ALX4: variants seen among roughly 807,000 people sequenced by gnomAD.
ALX4 encodes the protein homeobox protein aristaless-like 4.
ALX4 carries 22 observed loss-of-function variants against 40.6 expected under a neutral mutation model. The ratio of observed to expected loss-of-function variants is 0.54; its 90% CI spans 0.39 to 0.77. The LOEUF (loss-of-function observed/expected upper bound fraction) is 0.77. Among genes scored for constraint, ALX4 ranks in the 30% least tolerant of loss-of-function variants. The pLI is 0.00. For missense variants in ALX4, 556 were observed against 564.8 expected (o/e 0.98, Z 0.16); for synonymous variants, 266 against 240.5 (o/e 1.11, Z -0.98).
intron 1 of ALX4, among the ~76,000 whole-genome samples, chr11:44,284,505 T>C (rs1455491150): frequency 2.0e-5 from 3 of 152,234 alleles, no homozygotes; most frequent in Non-Finnish European, 4.4e-5. Context: ...AAATGCAGAT[T>C]TGACTGAGTA....
intron 2 of ALX4, among the ~76,000 whole-genome samples, chr11:44,275,028 G>C (rs892177547): frequency 1.3e-5 from 2 of 152,196 alleles, no homozygotes; most frequent in South Asian, 2.1e-4. Context: ...CTGTGTGAAA[G>C]AGCCAGGACT....
intron 1 of ALX4, among the ~76,000 whole-genome samples, chr11:44,304,270 C>G (rs1956453073): frequency 6.6e-6 from 1 of 152,260 alleles, no homozygotes; most frequent in Non-Finnish European, 1.5e-5. Context: ...GCCTGGCAGG[C>G]GACGTCCGGG....
In ALX4 at chr11:44,303,185, C is replaced by A. The variant is rs75794715; in HGVS notation, c.466+6412G>T. On this transcript the variant is annotated intron_variant, in intron 1 of 3. Coordinates refer to ENST00000652299, the MANE Select transcript of ALX4 (RefSeq NM_021926.4). ...GTTGTTCTGCTCTGACCTGGGTCAC[C>A]AGGTCCTGTCCCTCTACGAGGTGCG... is the stretch of plus-strand genomic sequence containing the variant. Among the ~76,000 whole-genome samples, 691 of 152,302 alleles carry A rather than the reference C, an allele frequency of 4.5e-3. 7 individuals carry two copies. The highest frequency in any genetic ancestry group is 0.015 in the African/African-American group (642 of 41,568).
rs1396294431 is a variant in ALX4, at chr11:44,264,810, T to C, written c.*44A>G. The stretch of plus-strand genomic sequence containing the variant: ...GCTGGGGGCCTGGAAAACATGGGCG[T>C]GGCCCATGGTGTCCCGAGGTGGGGA... On this transcript the variant is annotated 3_prime_UTR_variant, in exon 4 of 4. Transcript: ENST00000652299. 7.5e-6 allele frequency: 12 copies of C among 1,597,254 alleles called. No individual in the cohort carries two copies. Among genetic ancestry groups the C allele is most frequent in the Admixed American group, 1.7e-5 (1 of 59,738 alleles).
chr11:44,268,366 G>C (rs1000254441), intron 2 of ALX4, among the ~76,000 whole-genome samples: 1 of 152,180 alleles, frequency 6.6e-6, no homozygotes, highest in Non-Finnish European at 1.5e-5. Flanking sequence ...CAGATCGCAG[G>C]GGGCCTTGAC....
intron 1 of ALX4, among the ~76,000 whole-genome samples, chr11:44,302,295 C>T (rs1956439312): frequency 1.3e-5 from 2 of 152,184 alleles, no homozygotes; most frequent in South Asian, 4.1e-4. Flanking sequence ...CGCCCTGAAA[C>T]ACTCAGATAG....
chr11:44,273,623 A>T (rs992462023), intron 2 of ALX4, among the ~76,000 whole-genome samples: 1 of 152,230 alleles, frequency 6.6e-6, no homozygotes, highest in Non-Finnish European at 1.5e-5. Context: ...ACAAACAAGT[A>T]AAATAACGTA....
At chr11:44,279,393 G>C (rs988623393) in intron 1 of ALX4, among the ~76,000 whole-genome samples, 1 of 152,198 alleles carries the variant, frequency 6.6e-6, no homozygotes, top group African/African-American at 2.4e-5. Context: ...GACAGAGGGT[G>C]GCAGGGATGA....
chr11:44,303,374 G>A (rs915347382), intron 1 of ALX4, among the ~76,000 whole-genome samples: 1 of 152,136 alleles, frequency 6.6e-6, no homozygotes, highest in Admixed American at 6.5e-5. Context: ...AGTACAAGCG[G>A]CGCCTTCACC....
At chr11:44,305,428 C>G (rs1278161730) in intron 1 of ALX4, among the ~76,000 whole-genome samples, 1 of 152,208 alleles carries the variant, frequency 6.6e-6, no homozygotes, top group African/African-American at 2.4e-5. Flanking sequence ...AATTAAACAA[C>G]AGTCGCCCCT....
At chr11:44,307,441 G>A (rs1956475939) in intron 1 of ALX4, among the ~76,000 whole-genome samples, 2 of 152,220 alleles carry the variant, frequency 1.3e-5, no homozygotes. Context: ...ACAGAGAGAG[G>A]GCTCAGGGGA....
chr11:44,290,055 C>T (rs1432685261), intron 1 of ALX4, among the ~76,000 whole-genome samples: 1 of 152,224 alleles, frequency 6.6e-6, no homozygotes, highest in Non-Finnish European at 1.5e-5. Flanking sequence ...AGGGCCAGGA[C>T]TTGAACCCTG....
chr11:44,301,921 G>A (rs572208891), intron 1 of ALX4, among the ~76,000 whole-genome samples: 5 of 152,346 alleles, frequency 3.3e-5, no homozygotes, highest in South Asian at 4.1e-4. Flanking sequence ...AGACGGCCTC[G>A]CCGCAGTGTG....
In ALX4 at chr11:44,271,591, T is replaced by C. The variant is rs80269138; in HGVS notation, c.777+3757A>G. ...ACCATGAACCTTAGCCTAAATTTTT[T>C]TTTACCACATTACCTCTGCATTTCA... On this transcript the variant is annotated intron_variant, in intron 2 of 3. Coordinates refer to ENST00000652299, the MANE Select transcript of ALX4 (RefSeq NM_021926.4). Among the ~76,000 whole-genome samples the C allele has an allele frequency of 3.5e-3, 540 of 152,358 alleles. 2 individuals carry two copies. The highest frequency in any genetic ancestry group is 0.013 in the African/African-American group (520 of 41,586).
At chr11:44,287,943 A>G (rs186562550) in intron 1 of ALX4, among the ~76,000 whole-genome samples, 43 of 152,332 alleles carry the variant, frequency 2.8e-4, no homozygotes, top group African/African-American at 1.0e-3. Context: ...AGAGGCAAAG[A>G]GGCATATGAG....
intron 1 of ALX4, among the ~76,000 whole-genome samples, chr11:44,279,774 G>A (rs139839804): frequency 8.0e-4 from 122 of 152,244 alleles, no homozygotes; most frequent in African/African-American, 2.9e-3. Flanking sequence ...TTGCTGACTC[G>A]TAATCTCATC....
rs967076956 is a variant in ALX4, at chr11:44,271,861, T to G, written c.777+3487A>C. 2.6e-5 allele frequency among the ~76,000 whole-genome samples: 4 copies of G among 152,314 alleles called. No individual in the cohort carries two copies. The East Asian group carries it at 7.7e-4, about 29-fold the overall frequency. Reference sequence around the variant, plus strand: ...AATTCTACTCCCGGGCACTCCCATATATTTGTTAGGAAGCATGCATGCAAC... The same window carrying G: ...AATTCTACTCCCGGGCACTCCCATAGATTTGTTAGGAAGCATGCATGCAAC... On this transcript the variant is annotated intron_variant, in intron 2 of 3. Transcript: ENST00000652299.
At chr11:44,307,291 T>C (rs549363161) in intron 1 of ALX4, among the ~76,000 whole-genome samples, 70 of 151,882 alleles carry the variant, frequency 4.6e-4, no homozygotes, top group African/African-American at 1.7e-3. Context: ...GAAACCGGGG[T>C]TTGGGAAGGT....
intron 1 of ALX4, among the ~76,000 whole-genome samples, chr11:44,287,481 G>A (rs1956345573): frequency 6.6e-6 from 1 of 151,784 alleles, no homozygotes; most frequent in Non-Finnish European, 1.5e-5. Context: ...TGTTAAGAAG[G>A]TCCAGGGGTG....
Sources: allele counts gnomAD v4.1 joint callset (sites outside exome capture counted in the v4.1 genomes callset), GRCh38; gene constraint gnomAD v4.1.1; transcripts MANE v1.5; gene names NCBI Gene and HGNC (gene_info 2026-07-23, HGNC 2026-07-21).